Variants in FRMPD4 observed in about 807,000 individuals in gnomAD.
The protein encoded by FRMPD4 is FERM and PDZ domain containing 4.
In FRMPD4, 22 loss-of-function variants were observed where a neutral mutation model predicts 94.1. The ratio of observed to expected loss-of-function variants is 0.23; its 90% confidence interval spans 0.17 to 0.33. The LOEUF (loss-of-function observed/expected upper bound fraction) is 0.33, where lower values mean the gene tolerates loss of function less well. Ranked by LOEUF, FRMPD4 falls within the 10% of genes least tolerant of loss-of-function variation. The pLI is 1.00. For synonymous variants in FRMPD4, 631 were observed against 548.6 expected (o/e 1.15, Z -2.10); for missense variants, 1,111 against 1,339.9 (o/e 0.83, Z 2.67).
intron 2 of FRMPD4, among the ~76,000 whole-genome samples, chrX:12,527,488 T>A (rs1160919567): frequency 3.5e-5 from 1 of 28,184 alleles, no homozygotes; most frequent in Non-Finnish European, 7.2e-5. Context: ...TGAGTTACAG[T>A]TTTTTTTTTT....
chrX:12,493,197 C>A (rs1317789870), intron 1 of FRMPD4, among the ~76,000 whole-genome samples: 2 of 111,351 alleles, frequency 1.8e-5, no homozygotes, highest in Non-Finnish European at 3.8e-5. Flanking sequence ...CAACCCAAAA[C>A]ATACCTTGAA....
At chrX:12,021,826 T>C (rs1205362550) in intron 3 of FRMPD4, among the ~76,000 whole-genome samples, 1 of 112,183 alleles carries the variant, frequency 8.9e-6, no homozygotes, top group Admixed American at 9.5e-5. Flanking sequence ...TTAAGTCTTT[T>C]GAGCTTATCA....
chrX:12,225,159 A>G (rs1253017103), intron 1 of FRMPD4, among the ~76,000 whole-genome samples: 2 of 112,530 alleles, frequency 1.8e-5, no homozygotes, highest in Admixed American at 1.9e-4. Context: ...ATGATAGGAA[A>G]TGAGTTTAAA....
At chrX:11,892,945 G>A (rs1490539946) in intron 3 of FRMPD4, among the ~76,000 whole-genome samples, 1 of 111,575 alleles carries the variant, frequency 9.0e-6, no homozygotes, top group African/African-American at 3.3e-5. Context: ...ATTCTTGGGG[G>A]TTACATCCTA....
At chrX:12,341,705 G>T (rs1357917223) in intron 1 of FRMPD4, 2 of 303,532 alleles carry the variant, frequency 6.6e-6, no homozygotes, top group Non-Finnish European at 1.3e-5. Context: ...TATTACATTT[G>T]ATTTTTGCTG....
chrX:12,555,592 G>A (rs1373417349), intron 2 of FRMPD4, among the ~76,000 whole-genome samples: 1 of 111,786 alleles, frequency 8.9e-6, no homozygotes, highest in African/African-American at 3.3e-5. Context: ...AATCCAACAA[G>A]AGAGATGGAG....
At chrX:12,480,472 G>A (rs774387341) in intron 1 of FRMPD4, among the ~76,000 whole-genome samples, 1 of 110,190 alleles carries the variant, frequency 9.1e-6, no homozygotes, top group East Asian at 2.8e-4. Context: ...TAGTAATTAT[G>A]AATTTCTGAG....
chrX:12,272,884 C>T (rs2147847605), intron 1 of FRMPD4, among the ~76,000 whole-genome samples: 1 of 110,933 alleles, frequency 9.0e-6, no homozygotes, highest in African/African-American at 3.3e-5. Flanking sequence ...GCCTGGTCAA[C>T]ATTGTGAAAC....
At chrX:12,368,509 T>A (rs1165451142) in intron 1 of FRMPD4, among the ~76,000 whole-genome samples, 1 of 110,330 alleles carries the variant, frequency 9.1e-6, no homozygotes, top group Non-Finnish European at 1.9e-5. Context: ...ATGTTTTACA[T>A]CTTCTGCTCT....
At chrX:12,537,292 T>G (rs2058348665) in intron 2 of FRMPD4, among the ~76,000 whole-genome samples, 1 of 111,537 alleles carries the variant, frequency 9.0e-6, no homozygotes, top group Non-Finnish European at 1.9e-5. Flanking sequence ...TGGCTTTTAA[T>G]TTCAGTTTCT....
At chrX:12,060,558 C>G (rs2054879895) in intron 3 of FRMPD4, among the ~76,000 whole-genome samples, 1 of 110,515 alleles carries the variant, frequency 9.0e-6, no homozygotes, top group Non-Finnish European at 1.9e-5. Flanking sequence ...ATCAGACTTC[C>G]CCCCACTATC....
chrX:12,015,055 A>G (rs935723607), intron 3 of FRMPD4, among the ~76,000 whole-genome samples: 2 of 111,752 alleles, frequency 1.8e-5, no homozygotes, highest in African/African-American at 6.5e-5. Flanking sequence ...GCATTTCTGT[A>G]ACTGGCAACA....
At chrX:11,841,055 C>T (rs1220741931) in intron 1 of FRMPD4, among the ~76,000 whole-genome samples, 2 of 110,054 alleles carry the variant, frequency 1.8e-5, no homozygotes, top group Non-Finnish European at 3.8e-5. Flanking sequence ...TCATCCATGT[C>T]CCTACAAAGG....
chrX:12,363,218 C>T (rs780185080), intron 1 of FRMPD4, among the ~76,000 whole-genome samples: 30 of 112,265 alleles, frequency 2.7e-4, no homozygotes, highest in African/African-American at 9.1e-4. Context: ...TAATTAGATC[C>T]CATTTGTCAA....
intron 3 of FRMPD4, among the ~76,000 whole-genome samples, chrX:11,951,076 A>AAAAAAT (rs1224891157): frequency 9.2e-6 from 1 of 108,905 alleles, no homozygotes; most frequent in East Asian, 2.8e-4. Flanking sequence ...AAAAAAAAAA[A>AAAAAAT]AAAAGGAAAA....
chrX:12,633,007 T>C (rs2059409778), intron 4 of FRMPD4, among the ~76,000 whole-genome samples: 1 of 112,103 alleles, frequency 8.9e-6, no homozygotes, highest in South Asian at 3.8e-4. Flanking sequence ...AGCCCTCCTC[T>C]GGGCAGCATA....
chrX:11,984,273 T>A (rs1488679306), intron 3 of FRMPD4, among the ~76,000 whole-genome samples: 3 of 112,275 alleles, frequency 2.7e-5, no homozygotes, highest in East Asian at 5.6e-4. Flanking sequence ...AGGCAAAATA[T>A]TTTGAGCATT....
At chrX:12,513,833 T>A (rs1254999602) in intron 2 of FRMPD4, among the ~76,000 whole-genome samples, 1 of 112,228 alleles carries the variant, frequency 8.9e-6, no homozygotes, top group African/African-American at 3.2e-5. Flanking sequence ...AAGGTATTGA[T>A]TCTTCCTATC....
At position 12,607,098 on chromosome X, in the gene FRMPD4, G is replaced by A. The variant is rs776004703; in HGVS notation, c.159-2623G>A. Among the ~76,000 whole-genome samples, 18 of 111,322 alleles carry A rather than the reference G, an allele frequency of 1.6e-4. No homozygotes were observed. The East Asian group carries it at 4.8e-3, about 30-fold the overall frequency. On this transcript the variant is annotated intron_variant, in intron 2 of 16. Transcript: ENST00000675598. ...CTCCCCACTTCTTCCCTGTGTCTTA[G>A]TGCCTCCCAGCCTGGGGCCTTGTCT...
Sources: gnomAD v4.1 joint callset for allele counts (sites outside exome capture counted in the v4.1 genomes callset) on GRCh38, gnomAD v4.1.1 for gene constraint, MANE v1.5 for transcripts, NCBI Gene and HGNC (gene_info 2026-07-23, HGNC 2026-07-21) for gene names.